Variants in CGNL1 observed in about 807,000 individuals in gnomAD.
CGNL1 encodes the protein cingulin-like protein 1.
A neutral mutation model predicts 141.2 loss-of-function variants in CGNL1; 132 were observed. That is an observed-to-expected ratio of 0.93 (90% CI 0.81 to 1.08). CGNL1 has a LOEUF of 1.08. CGNL1 is among the 50% of genes least tolerant of loss of function. The pLI is 0.00. For missense variants in CGNL1, 1,870 were observed against 1,588.6 expected (o/e 1.18, Z -3.01); for synonymous variants, 690 against 622.1 (o/e 1.11, Z -1.63).
At chr15:57,463,993 C>T (rs894448427) in intron 8 of CGNL1, among the ~76,000 whole-genome samples, 4 of 152,128 alleles carry the variant, frequency 2.6e-5, no homozygotes, top group Non-Finnish European at 5.9e-5. Flanking sequence ...TAGTTTGTAT[C>T]ATACCCTATT....
At chr15:57,379,626 T>A (rs1369381044) in intron 1 of CGNL1, among the ~76,000 whole-genome samples, 1 of 152,178 alleles carries the variant, frequency 6.6e-6, no homozygotes, top group African/African-American at 2.4e-5. Context: ...TCCTTTCTTT[T>A]CATCTTCTGA....
At chr15:57,473,156 A>G (rs571672399) in intron 8 of CGNL1, among the ~76,000 whole-genome samples, 119 of 152,346 alleles carry the variant, frequency 7.8e-4, no homozygotes, top group African/African-American at 2.5e-3. Flanking sequence ...TGGGACAGTC[A>G]CAGCCACCAT....
chr15:57,496,638 G>T (rs1358648688), intron 8 of CGNL1, among the ~76,000 whole-genome samples: 1 of 152,164 alleles, frequency 6.6e-6, no homozygotes, highest in Admixed American at 6.5e-5. Flanking sequence ...CAAGAAAGAG[G>T]TTGGTGGCCT....
chr15:57,435,407 G>GGTTTTTTT, intron 1 of CGNL1, among the ~76,000 whole-genome samples: 1 of 96,864 alleles, frequency 1.0e-5, no homozygotes, highest in Non-Finnish European at 2.3e-5. Context: ...AAATTTGCAG[G>GGTTTTTTT]TTTTTTTGTT....
At chr15:57,502,902 G>C (rs1034790347) in intron 8 of CGNL1, among the ~76,000 whole-genome samples, 1 of 152,176 alleles carries the variant, frequency 6.6e-6, no homozygotes, top group Admixed American at 6.5e-5. Context: ...CGACCCAGGG[G>C]CTGCCCTGGG....
chr15:57,442,714 G>T (rs1324172495), intron 4 of CGNL1, among the ~76,000 whole-genome samples: 1 of 152,118 alleles, frequency 6.6e-6, no homozygotes, highest in Non-Finnish European at 1.5e-5. Flanking sequence ...TGCCTCCTGA[G>T]CTCAAGCCAT....
rs552012743 is a variant in CGNL1, at chr15:57,543,583, G to A, written c.3292-113G>A. ...GCAGATGGCACGAGGGGCTGGGTAG[G>A]GCAACCCCCTTCATAAAGTGGAGGT... On this transcript the variant is annotated intron_variant, in intron 14 of 18. Transcript: ENST00000281282. 1.8e-5 allele frequency: 16 copies of A among 910,056 alleles called. No homozygotes were observed. In the African/African-American group the frequency reaches 2.7e-4, roughly 15 times the overall value. The allele number at this position is 910,056 out of a possible 1,614,324, so 56.4% of individuals were successfully genotyped here. A position where few individuals can be genotyped will look rare whatever the true frequency, so the allele number is the denominator to read the frequency against.
In CGNL1 at chr15:57,451,601, G is replaced by T; in HGVS notation, c.1905G>T (p.Lys635Asn). The T allele has an allele frequency of 2.5e-6, 4 of 1,597,000 alleles. No homozygotes were observed. In the South Asian group the frequency reaches 4.5e-5, roughly 18 times the overall value. Residue 635 changes from lysine to asparagine, a missense_variant and splice_region_variant, in exon 5 of 19, where the codon AAG (lysine) becomes AAT (asparagine). Lys to Asn is a moderately conservative substitution (Grantham distance 94, BLOSUM62 0). Coordinates refer to ENST00000281282, the MANE Select transcript of CGNL1 (RefSeq NM_032866.5). ...AGAGACAGCTTCAACTGGAAGTCAA[G>T]GTATCTGGTTTTTCCTTTATGTTAT... Reference protein sequence around the residue: ...ELQRQLQLEVKNQQNIKEERE... With the variant: ...ELQRQLQLEVNNQQNIKEERE...
chr15:57,490,226 T>A (rs2063839957), intron 8 of CGNL1, among the ~76,000 whole-genome samples: 1 of 152,214 alleles, frequency 6.6e-6, no homozygotes, highest in African/African-American at 2.4e-5. Context: ...AACCTTGCTT[T>A]ATCTTATATT....
intron 14 of CGNL1, among the ~76,000 whole-genome samples, chr15:57,538,631 C>T (rs1301144451): frequency 6.6e-6 from 1 of 152,172 alleles, no homozygotes; most frequent in African/African-American, 2.4e-5. Flanking sequence ...CAGACATTGG[C>T]ACTGAGGGTG....
chr15:57,514,127 T>C (rs1376410415), intron 8 of CGNL1, among the ~76,000 whole-genome samples: 1 of 151,480 alleles, frequency 6.6e-6, no homozygotes, highest in Non-Finnish European at 1.5e-5. Context: ...GGATTTTATA[T>C]ACTGTTCGGA....
chr15:57,532,342 A>T (rs2031998738), intron 14 of CGNL1, among the ~76,000 whole-genome samples: 1 of 152,214 alleles, frequency 6.6e-6, no homozygotes, highest in Non-Finnish European at 1.5e-5. Flanking sequence ...TTGGGCATGC[A>T]CTGGGGACAC....
chr15:57,512,554 A>G (rs1424571559), intron 8 of CGNL1, among the ~76,000 whole-genome samples: 1 of 152,194 alleles, frequency 6.6e-6, no homozygotes, highest in African/African-American at 2.4e-5. Flanking sequence ...GGTCTCCTAG[A>G]GTCATACTCA....
intron 1 of CGNL1, among the ~76,000 whole-genome samples, chr15:57,393,476 G>A (rs1313147606): frequency 1.3e-5 from 2 of 152,148 alleles, no homozygotes; most frequent in Non-Finnish European, 2.9e-5. Flanking sequence ...GTGTGCTTTT[G>A]AAATACAGAA....
At chr15:57,545,565 T>A (rs745490979) in intron 16 of CGNL1, 27 bp from the exon 17 acceptor site, 81 of 1,596,048 alleles carry the variant, frequency 5.1e-5, no homozygotes, top group Non-Finnish European at 6.8e-5. Flanking sequence ...AGTGAGAGGG[T>A]TCTTGGTTCT....
chr15:57,452,160 A>T lies in CGNL1; in HGVS notation c.1925A>T (p.Glu642Val), dbSNP rs766870875. 6.2e-7 allele frequency: 1 copy of T among 1,611,558 alleles called. No homozygotes were observed. The highest frequency in any genetic ancestry group is 8.5e-7 in the Non-Finnish European group (1 of 1,178,516). The stretch of plus-strand genomic sequence containing the variant: ...TGTTAGAATCAACAGAACATTAAAG[A>T]AGAGAGAGAGAGGATGAGAGCAAAC... ...LEVKNQQNIK[E>V]ERERMRANLE... The change falls in exon 6 of 19, where the codon GAA (glutamate) becomes GTA (valine). Residue 642 changes from glutamate (E) to valine (V), a missense_variant. Glu to Val is a moderately radical substitution (Grantham distance 121, BLOSUM62 -2). Coordinates refer to ENST00000281282, the MANE Select transcript of CGNL1 (RefSeq NM_032866.5).
intron 7 of CGNL1, among the ~76,000 whole-genome samples, chr15:57,460,863 G>A (rs2063436865): frequency 6.6e-6 from 1 of 152,180 alleles, no homozygotes; most frequent in Admixed American, 6.5e-5. Flanking sequence ...AGGCTGGCAG[G>A]GGACAGTGCG....
rs148598382 is a variant in CGNL1 at position 57,391,303 on chromosome 15, T to C, written c.-16+14736T>C. ...AGCCTCGTGCCCATAAGGGATGACA[T>C]AGGCGAAGCAGAATGAGTGAAATAC... On this transcript the variant is annotated intron_variant, in intron 1 of 18. Coordinates refer to ENST00000281282, the MANE Select transcript of CGNL1 (RefSeq NM_032866.5). Among the ~76,000 whole-genome samples, 744 of 152,332 alleles carry C rather than the reference T, an allele frequency of 4.9e-3. 5 individuals are homozygous for C. The highest frequency in any genetic ancestry group is 0.032 in the South Asian group (155 of 4,826).
intron 8 of CGNL1, among the ~76,000 whole-genome samples, chr15:57,468,520 C>G (rs1199611556): frequency 4.6e-5 from 7 of 151,850 alleles, no homozygotes; most frequent in African/African-American, 1.5e-4. Context: ...GTGTGACCCA[C>G]TGCACCCAGC....
Sources: allele counts gnomAD v4.1 joint callset (sites outside exome capture counted in the v4.1 genomes callset), GRCh38; gene constraint gnomAD v4.1.1; transcripts MANE v1.5; gene names NCBI Gene and HGNC (gene_info 2026-07-23, HGNC 2026-07-21).